The following DDX4 variants were observed in gnomAD, a reference collection of about 807,000 sequenced individuals.
The protein encoded by DDX4 is probable ATP-dependent RNA helicase DDX4.
A neutral mutation model predicts 100.0 loss-of-function variants in DDX4; 25 were observed. The observed-to-expected ratio is 0.25, with a 90% CI of 0.18 to 0.35. The LOEUF (loss-of-function observed/expected upper bound fraction) is 0.35. Ranked by LOEUF, DDX4 falls within the 10% of genes least tolerant of loss-of-function variation. The pLI, the probability that DDX4 is intolerant of heterozygous loss-of-function variation, is 1.00. For synonymous variants in DDX4, 259 were observed against 275.7 expected, an observed-to-expected ratio of 0.94 and a Z score of 0.60; for missense variants, 635 against 882.4, an observed-to-expected ratio of 0.72 and a Z score of 3.55.
At chr5:55,742,648 G>T (rs1324088243) in intron 2 of DDX4, among the ~76,000 whole-genome samples, 4 of 152,186 alleles carry the variant, frequency 2.6e-5, no homozygotes, top group Non-Finnish European at 5.9e-5. Flanking sequence ...CATTTGGGTG[G>T]TTTGAGAGAT....
intron 17 of DDX4, among the ~76,000 whole-genome samples, chr5:55,795,543 GAGAAGCATTTGAGCCT>G (rs1742877472): frequency 6.6e-6 from 1 of 152,210 alleles, no homozygotes; most frequent in Non-Finnish European, 1.5e-5. Context: ...GCTAAAGAGG[GAGAAGCATTTGAGCCT>G]AGAAGTTCAG....
intron 18 of DDX4, among the ~76,000 whole-genome samples, chr5:55,805,759 C>G (rs570877356): frequency 6.6e-6 from 1 of 152,342 alleles, no homozygotes; most frequent in East Asian, 1.9e-4. Flanking sequence ...CATCAATGTT[C>G]ATCAGGGATA....
chr5:55,781,807 A>T, intron 9 of DDX4, 127 bp from the exon 10 acceptor site: 3 of 927,804 alleles, frequency 3.2e-6, no homozygotes, highest in Non-Finnish European at 4.8e-6. Context: ...TAAAATTAAG[A>T]GATGGATGGG....
intron 18 of DDX4, among the ~76,000 whole-genome samples, chr5:55,808,221 A>G (rs1320857804): frequency 6.6e-6 from 1 of 151,898 alleles, no homozygotes; most frequent in African/African-American, 2.4e-5. Flanking sequence ...CCATTCGTCT[A>G]ATTTTTTTTC....
intron 18 of DDX4, among the ~76,000 whole-genome samples, chr5:55,812,904 A>C (rs6450352): frequency 0.048 from 7,227 of 151,502 alleles, 192 homozygotes; most frequent in African/African-American, 0.076. Context: ...TCTAGTAGGC[A>C]CTAAATGTTT....
At chr5:55,747,991 G>C (rs1345086598) in intron 3 of DDX4, among the ~76,000 whole-genome samples, 5 of 152,184 alleles carry the variant, frequency 3.3e-5, no homozygotes, top group South Asian at 2.1e-4. Context: ...CCCATGGTGA[G>C]GTAGTTTCCA....
intron 3 of DDX4, among the ~76,000 whole-genome samples, chr5:55,751,534 A>G (rs1384532130): frequency 6.6e-6 from 1 of 152,204 alleles, no homozygotes; most frequent in Non-Finnish European, 1.5e-5. Context: ...CATGCCCAGC[A>G]TCATTGCTTT....
At chr5:55,789,019 C>T (rs1318313534) in intron 15 of DDX4, among the ~76,000 whole-genome samples, 1 of 152,026 alleles carries the variant, frequency 6.6e-6, no homozygotes, top group Non-Finnish European at 1.5e-5. Flanking sequence ...TGTGATTGCG[C>T]CACTGCATTC....
At chr5:55,800,320 T>C (rs562940241) in intron 18 of DDX4, among the ~76,000 whole-genome samples, 141 of 150,950 alleles carry the variant, frequency 9.3e-4, no homozygotes, top group African/African-American at 3.2e-3. Flanking sequence ...TATAGTCACC[T>C]TAAGTTTTTT....
chr5:55,785,631 A>G (rs1181314898), intron 12 of DDX4, 98 bp from the exon 13 acceptor site: 98 of 1,285,268 alleles, frequency 7.6e-5, no homozygotes, highest in Non-Finnish European at 1.0e-4. Flanking sequence ...GAAGTTCCAT[A>G]GTATTTAAAA....
At position 55,781,105 on chromosome 5, in the gene DDX4, G is replaced by A. The variant is rs1741884857; in HGVS notation, c.536G>A (p.Gly179Asp). 6.2e-7 allele frequency: 1 copy of A among 1,612,786 alleles called. No homozygotes were observed. The highest frequency in any genetic ancestry group is 8.5e-7 in the Non-Finnish European group (1 of 1,179,652). ...LDPDECMQRT[G>D]GLFGSRRPVL... Reference sequence around the variant, plus strand: ...CCAGACGAATGTATGCAGCGCACTGGTGGCCTTTTTGGTTCTAGAAGACCA... The same window carrying A: ...CCAGACGAATGTATGCAGCGCACTGATGGCCTTTTTGGTTCTAGAAGACCA... Residue 179 changes from glycine (G) to aspartate (D), a missense_variant, in exon 9 of 22, where the codon GGT becomes GAT. Coordinates refer to ENST00000505374, the MANE Select transcript of DDX4 (RefSeq NM_024415.3).
chr5:55,783,843 T>G (rs1317365753), intron 10 of DDX4, among the ~76,000 whole-genome samples: 3 of 151,946 alleles, frequency 2.0e-5, no homozygotes, highest in Non-Finnish European at 4.4e-5. Flanking sequence ...GTAAAGTTTT[T>G]TTTTTTTTTT....
chr5:55,746,079 G>T, intron 2 of DDX4, 85 bp from the exon 3 acceptor site: 1 of 1,054,344 alleles, frequency 9.5e-7, no homozygotes, highest in Non-Finnish European at 1.4e-6. Context: ...AAGCTCAATT[G>T]TTATAATTTT....
At chr5:55,805,593 T>A (rs1743644893) in intron 18 of DDX4, among the ~76,000 whole-genome samples, 1 of 152,238 alleles carries the variant, frequency 6.6e-6, no homozygotes, top group African/African-American at 2.4e-5. Context: ...ATGTGGTTTT[T>A]GTCTTTGGCT....
At chr5:55,792,438 C>T (rs1742637647) in intron 16 of DDX4, among the ~76,000 whole-genome samples, 1 of 151,470 alleles carries the variant, frequency 6.6e-6, no homozygotes, top group Non-Finnish European at 1.5e-5. Context: ...TTGCTCACTG[C>T]AAGCTCTGCC....
chr5:55,791,836 G>C (rs1488869754), intron 16 of DDX4, among the ~76,000 whole-genome samples: 5 of 152,160 alleles, frequency 3.3e-5, no homozygotes, highest in Non-Finnish European at 7.3e-5. Flanking sequence ...GATAGGCTGG[G>C]TGCAGTGGCT....
chr5:55,796,934 C>A (rs1236580831), intron 17 of DDX4, among the ~76,000 whole-genome samples: 2 of 145,226 alleles, frequency 1.4e-5, no homozygotes, highest in Admixed American at 7.1e-5. Context: ...CTTGACCTCC[C>A]TGGCTGAAGC....
intron 8 of DDX4, among the ~76,000 whole-genome samples, chr5:55,780,585 A>G (rs1000422171): frequency 6.6e-6 from 1 of 152,220 alleles, no homozygotes; most frequent in African/African-American, 2.4e-5. Context: ...AGACTAGTGA[A>G]TTGTCACTTT....
At chr5:55,808,240 T>A (rs12521457) in intron 18 of DDX4, among the ~76,000 whole-genome samples, 16,461 of 152,188 alleles carry the variant, frequency 0.11, 1,359 homozygotes, top group East Asian at 0.29. Context: ...TCAAGGTTTT[T>A]AACTTCTTTG....
Sources: allele counts gnomAD v4.1 joint callset (sites outside exome capture counted in the v4.1 genomes callset), GRCh38; gene constraint gnomAD v4.1.1; transcripts MANE v1.5; gene names NCBI Gene and HGNC (gene_info 2026-07-23, HGNC 2026-07-21).